Variants in TENM2 observed in about 807,000 individuals in gnomAD.
TENM2 encodes teneurin-2.
A neutral mutation model predicts 245.2 loss-of-function variants in TENM2; 52 were observed. The ratio of observed to expected loss-of-function variants is 0.21; its 90% CI spans 0.17 to 0.27. TENM2 has a LOEUF of 0.27. Among genes scored for constraint, TENM2 ranks in the 10% least tolerant of loss-of-function variants. TENM2 has a pLI of 1.00. For synonymous variants in TENM2, 1,363 were observed against 1,438.9 expected, an observed-to-expected ratio of 0.95 and a Z score of 1.19; for missense variants, 3,046 against 3,666.8, an observed-to-expected ratio of 0.83 and a Z score of 4.37.
chr5:168,061,965 CA>C, intron 6 of TENM2, 94 bp from the exon 9 acceptor site: 1 of 1,139,678 alleles, frequency 8.8e-7, no homozygotes, highest in Non-Finnish European at 1.2e-6. Flanking sequence ...ATTAAAACAA[CA>C]ACAAAAAAAA....
intron 2 of TENM2, among the ~76,000 whole-genome samples, chr5:167,637,240 A>G (rs1394462038): frequency 6.6e-6 from 1 of 152,240 alleles, no homozygotes; most frequent in Non-Finnish European, 1.5e-5. Flanking sequence ...TGCTAGTATT[A>G]AAAAGAGAAT....
At chr5:167,725,466 C>T (rs1037887485) in intron 2 of TENM2, among the ~76,000 whole-genome samples, 2 of 152,108 alleles carry the variant, frequency 1.3e-5, no homozygotes, top group African/African-American at 2.4e-5. Context: ...TACTGAATGC[C>T]GCTGACCACG....
chr5:167,176,765 A>G, the TENM2 span, among the ~76,000 whole-genome samples: 3 of 152,182 alleles, frequency 2.0e-5, no homozygotes, highest in African/African-American at 7.2e-5. Context: ...GTAGTTTTAT[A>G]CTTTCCCAAA....
chr5:168,169,558 G>C (rs546040831), intron 13 of TENM2, among the ~76,000 whole-genome samples: 2 of 152,082 alleles, frequency 1.3e-5, no homozygotes, highest in Non-Finnish European at 2.9e-5. Context: ...TCCCCATCCC[G>C]TAGCCATCCA....
rs578253772 is a variant in TENM2 at position 167,344,769 on chromosome 5, G to C, written c.227-30429G>C. On this transcript the variant is annotated intron_variant, in intron 1 of 28. Transcript: ENST00000518659. ...AGCTAGGGCACACCAGAGACTTGAGGAGATTCAGATGTCATAACTGCTCTT... is the reference window on the plus strand; with the variant it reads ...AGCTAGGGCACACCAGAGACTTGAGCAGATTCAGATGTCATAACTGCTCTT... 2.1e-4 allele frequency among the ~76,000 whole-genome samples: 32 copies of C among 152,234 alleles called. No individual in the cohort carries two copies. In the South Asian group the frequency reaches 4.1e-3, roughly 20 times the overall value.
chr5:167,018,885 A>G, the TENM2 span, among the ~76,000 whole-genome samples: 1 of 152,210 alleles, frequency 6.6e-6, no homozygotes. Context: ...AAATGGAACA[A>G]ATAATACCTT....
chr5:167,590,351 G>A (rs1775796340), intron 2 of TENM2, among the ~76,000 whole-genome samples: 1 of 151,780 alleles, frequency 6.6e-6, no homozygotes, highest in African/African-American at 2.4e-5. Flanking sequence ...TTCAATAAAT[G>A]CGTACTATAT....
chr5:167,787,433 C>T (rs896964831), intron 2 of TENM2, among the ~76,000 whole-genome samples: 4 of 152,238 alleles, frequency 2.6e-5, no homozygotes, highest in Admixed American at 1.3e-4. Flanking sequence ...GCTTCATGAC[C>T]GGGGCTTCCT....
chr5:167,388,838 T>G (rs979414927), intron 2 of TENM2, among the ~76,000 whole-genome samples: 1 of 152,160 alleles, frequency 6.6e-6, no homozygotes, highest in Non-Finnish European at 1.5e-5. Context: ...GATTTCTAGT[T>G]ATATTCCACT....
chr5:167,624,669 A>T (rs1475919788), intron 2 of TENM2, among the ~76,000 whole-genome samples: 1 of 152,172 alleles, frequency 6.6e-6, no homozygotes, highest in East Asian at 1.9e-4. Context: ...CTGACATATA[A>T]CAAGTTTCTC....
rs141092043 is a variant in TENM2, at chr5:167,577,906, G to C, written c.502+202433G>C. Among the ~76,000 whole-genome samples the C allele has an allele frequency of 5.9e-3, 891 of 152,280 alleles. 6 individuals are homozygous for C. Among genetic ancestry groups the C allele is most frequent in the African/African-American group, 0.02 (840 of 41,554 alleles). On this transcript the variant is annotated intron_variant, in intron 2 of 28. Coordinates refer to ENST00000518659, the Ensembl canonical transcript of TENM2. ...TTAACTCCCTCCCTTAGGAGAGCAG[G>C]GGAGAAAAGGTCGCTGCAGGTTGAG...
At chr5:167,914,368 C>T (rs1272900594) in intron 3 of TENM2, among the ~76,000 whole-genome samples, 1 of 152,200 alleles carries the variant, frequency 6.6e-6, no homozygotes, top group South Asian at 2.1e-4. Context: ...CATGTCCCCT[C>T]CTCTGTTTTC....
chr5:168,092,469 C>T (rs998057057), intron 8 of TENM2, among the ~76,000 whole-genome samples: 1 of 152,178 alleles, frequency 6.6e-6, no homozygotes, highest in Non-Finnish European at 1.5e-5. Flanking sequence ...CCATATGGCC[C>T]ACAAAGCCTA....
chr5:167,857,767 T>C (rs940706816), intron 2 of TENM2, among the ~76,000 whole-genome samples: 11 of 152,232 alleles, frequency 7.2e-5, no homozygotes, highest in Non-Finnish European at 1.6e-4. Flanking sequence ...TATAGATTTA[T>C]AGTCCATTTA....
chr5:167,690,721 A>G (rs1343318784), intron 2 of TENM2, among the ~76,000 whole-genome samples: 2 of 152,116 alleles, frequency 1.3e-5, no homozygotes, highest in Non-Finnish European at 1.5e-5. Context: ...ATATTGCTTG[A>G]TATTTTATTT....
At chr5:167,979,727 T>C (rs1031531749) in intron 4 of TENM2, among the ~76,000 whole-genome samples, 2 of 152,092 alleles carry the variant, frequency 1.3e-5, no homozygotes, top group African/African-American at 2.4e-5. Context: ...AGAATTCCAA[T>C]CTAAAAGATC....
intron 2 of TENM2, among the ~76,000 whole-genome samples, chr5:167,861,860 T>C (rs1377017533): frequency 2.0e-5 from 3 of 152,202 alleles, no homozygotes; most frequent in African/African-American, 7.2e-5. Context: ...AAACAGGGCT[T>C]ACTCTTGCCA....
chr5:167,248,503 G>A, the TENM2 span, among the ~76,000 whole-genome samples: 1 of 152,110 alleles, frequency 6.6e-6, no homozygotes, highest in African/African-American at 2.4e-5. Flanking sequence ...TTTCCCAGGT[G>A]GTGTCCGTGC....
In TENM2 at chr5:167,830,634, G is replaced by A. The variant is rs543075855; in HGVS notation, c.503-45352G>A. ...ATAGTGTGTGGCAGAGGAGGCAAAC[G>A]AAAGAGAGAGTGGTCAGCTCAGGCT... On this transcript the variant is annotated intron_variant, in intron 2 of 28. Coordinates refer to ENST00000518659, the Ensembl canonical transcript of TENM2. Among the ~76,000 whole-genome samples the A allele has an allele frequency of 3.2e-4, 48 of 152,286 alleles. 1 individual carries two copies. In the South Asian group the frequency reaches 8.5e-3, roughly 27 times the overall value.
Sources: allele counts gnomAD v4.1 joint callset (sites outside exome capture counted in the v4.1 genomes callset), GRCh38; gene constraint gnomAD v4.1.1; transcripts MANE v1.5; gene names NCBI Gene and HGNC (gene_info 2026-07-23, HGNC 2026-07-21).